MYPN: variants seen among roughly 807,000 people sequenced by gnomAD.
MYPN encodes the protein myopalladin.
In MYPN, 63 loss-of-function variants were observed where a neutral mutation model predicts 129.4. The ratio of observed to expected loss-of-function variants is 0.49; its 90% CI spans 0.40 to 0.60. The LOEUF (loss-of-function observed/expected upper bound fraction) is 0.60, where lower values mean the gene tolerates loss of function less well. Ranked by LOEUF, MYPN falls within the 20% of genes least tolerant of loss-of-function variation. The pLI is 0.00. For missense variants in MYPN, 1,596 were observed against 1,635.4 expected, an observed-to-expected ratio of 0.98 and a Z score of 0.42; for synonymous variants, 629 against 600.9, an observed-to-expected ratio of 1.05 and a Z score of -0.68.
At position 68,210,629 on chromosome 10, in the gene MYPN, A is replaced by G; in HGVS notation, c.*174A>G. On this transcript the variant is annotated 3_prime_UTR_variant, in exon 20 of 20. Transcript: ENST00000358913. ...GGATTCTTGCAGTCTCAGCTGAGGG[A>G]GAAAGGTAGGGCTGTGCCTTCTAAA... is the stretch of plus-strand genomic sequence containing the variant. The G allele has an allele frequency of 1.3e-6, 1 of 750,858 alleles. No individual in the cohort carries two copies. Among genetic ancestry groups the G allele is most frequent in the South Asian group, 1.4e-5 (1 of 69,276 alleles). 46.5% of individuals were successfully genotyped at this position (750,858 alleles called of 1,614,324 possible).
chr10:68,104,651 A>G (rs1470165474), upstream of MYPN, among the ~76,000 whole-genome samples: 1 of 152,090 alleles, frequency 6.6e-6, no homozygotes, highest in Non-Finnish European at 1.5e-5. Flanking sequence ...CTAAATTATC[A>G]CTTCTTTTTG....
At chr10:68,206,734 C>T (rs374449566) in intron 18 of MYPN, 36 bp from the exon 19 acceptor site, 123 of 1,613,722 alleles carry the variant, frequency 7.6e-5, no homozygotes, top group Middle Eastern at 6.6e-4. Flanking sequence ...TTCTGCCCCC[C>T]GATAAAATAT....
chr10:68,145,569 C>CA, intron 4 of MYPN, 43 bp downstream of exon 4: 2 of 1,492,828 alleles, frequency 1.3e-6, no homozygotes, highest in Non-Finnish European at 1.9e-6. Context: ...ATCCTCAGAT[C>CA]AATTAATAGC....
intron 2 of MYPN, chr10:68,136,070 TA>T: frequency 4.6e-6 from 1 of 217,418 alleles, no homozygotes; most frequent in Non-Finnish European, 7.8e-6. Flanking sequence ...GTTAATGTGC[TA>T]AAACAATGAG....
Position 68,141,301 on chromosome 10 carries a change from A to G in MYPN, c.903-1639A>G, listed in dbSNP as rs567769471. ...GGAGAATTGCTTGAACCCGGGGGGC[A>G]GAGGTTGCAGTGAGTGGAGATCGGA... On this transcript the variant is annotated intron_variant, in intron 2 of 19. Transcript: ENST00000358913. Among the ~76,000 whole-genome samples the G allele has an allele frequency of 2.6e-5, 4 of 151,894 alleles. No individual in the cohort carries two copies. In the South Asian group the frequency reaches 8.3e-4, roughly 32 times the overall value.
At chr10:68,156,634 T>C (rs888046603) in intron 6 of MYPN, among the ~76,000 whole-genome samples, 13 of 152,214 alleles carry the variant, frequency 8.5e-5, no homozygotes, top group East Asian at 1.9e-4. Context: ...GCTAATGCTA[T>C]GTGGTTTTCC....
At chr10:68,149,973 G>C in intron 5 of MYPN, 67 bp from the exon 6 acceptor site, 1 of 1,414,060 alleles carries the variant, frequency 7.1e-7, no homozygotes, top group Non-Finnish European at 1.0e-6. Flanking sequence ...CTATAGGTTT[G>C]TTATGTCTCA....
intron 13 of MYPN, among the ~76,000 whole-genome samples, chr10:68,192,301 T>C (rs1336072211): frequency 2.0e-5 from 3 of 152,244 alleles, no homozygotes; most frequent in Non-Finnish European, 4.4e-5. Context: ...GTGTCATGTG[T>C]ATTGACTTGC....
intron 15 of MYPN, among the ~76,000 whole-genome samples, chr10:68,196,819 C>T (rs2043615239): frequency 6.6e-6 from 1 of 151,936 alleles, no homozygotes; most frequent in Non-Finnish European, 1.5e-5. Flanking sequence ...TCCTTCTCCT[C>T]CTCCTCCTTT....
At chr10:68,131,763 A>G (rs1589538470) in intron 2 of MYPN, among the ~76,000 whole-genome samples, 2 of 152,220 alleles carry the variant, frequency 1.3e-5, no homozygotes, top group African/African-American at 2.4e-5. Context: ...AGCTTTATTC[A>G]TAGGCATCTC....
At chr10:68,128,251 T>TC (rs1205995574) in intron 2 of MYPN, among the ~76,000 whole-genome samples, 1 of 152,168 alleles carries the variant, frequency 6.6e-6, no homozygotes, top group East Asian at 1.9e-4. Flanking sequence ...CCAAATTCTT[T>TC]CCCCAGGAAT....
intron 13 of MYPN, among the ~76,000 whole-genome samples, chr10:68,193,797 GCACACACACACACACACACA>G (rs368376657): frequency 7.8e-6 from 1 of 127,604 alleles, no homozygotes; most frequent in African/African-American, 2.7e-5. Context: ...ATGTGTATGT[GCACACACACACACACACACA>G]CACACACACA....
At chr10:68,156,736 A>C (rs1357748466) in intron 6 of MYPN, among the ~76,000 whole-genome samples, 1 of 152,250 alleles carries the variant, frequency 6.6e-6, no homozygotes, top group African/African-American at 2.4e-5. Flanking sequence ...ACTGTAAAAA[A>C]TAACGAAATA....
intron 15 of MYPN, among the ~76,000 whole-genome samples, chr10:68,196,483 CTT>C (rs71009021): frequency 8.0e-5 from 9 of 112,498 alleles, no homozygotes; most frequent in Admixed American, 1.1e-4. Flanking sequence ...CCTTCTTCTT[CTT>C]TTTTTTTTTT....
intron 2 of MYPN, chr10:68,135,368 A>G (rs2042470793): frequency 2.3e-6 from 1 of 430,202 alleles, no homozygotes; most frequent in African/African-American, 2.1e-5. Context: ...ACTCAGTAGC[A>G]GTCAAACAGG....
upstream of MYPN, chr10:68,106,208 A>G (rs577451712): frequency 5.3e-4 from 241 of 453,642 alleles, 3 homozygotes; most frequent in South Asian, 3.5e-3. Flanking sequence ...ACTTCTCAGG[A>G]TAATGTTTTA....
At chr10:68,198,355 G>A (rs1245772726) in intron 16 of MYPN, among the ~76,000 whole-genome samples, 1 of 152,132 alleles carries the variant, frequency 6.6e-6, no homozygotes, top group African/African-American at 2.4e-5. Flanking sequence ...ATTACCTTTA[G>A]CTATTCTGCA....
intron 2 of MYPN, among the ~76,000 whole-genome samples, chr10:68,140,115 G>A (rs1180105565): frequency 6.6e-6 from 1 of 152,150 alleles, no homozygotes; most frequent in African/African-American, 2.4e-5. Context: ...TCTTTGTAAA[G>A]GTCTGGGGGA....
upstream of MYPN, among the ~76,000 whole-genome samples, chr10:68,109,064 C>T (rs1392029603): frequency 6.6e-6 from 1 of 152,164 alleles, no homozygotes; most frequent in African/African-American, 2.4e-5. Context: ...TTTGCTTAGC[C>T]TTTGGACGAA....
Sources: allele counts gnomAD v4.1 joint callset (sites outside exome capture counted in the v4.1 genomes callset), GRCh38; gene constraint gnomAD v4.1.1; transcripts MANE v1.5; gene names NCBI Gene and HGNC (gene_info 2026-07-23, HGNC 2026-07-21).